SH3RF3: variants seen among roughly 807,000 people sequenced by gnomAD.
SH3RF3 encodes SH3 domain containing ring finger 3, also known as E3 ubiquitin-protein ligase SH3RF3.
A neutral mutation model predicts 66.3 loss-of-function variants in SH3RF3; 29 were observed. The ratio of observed to expected loss-of-function variants is 0.44; its 90% CI spans 0.33 to 0.60. SH3RF3 has a LOEUF of 0.60. Among genes scored for constraint, SH3RF3 ranks in the 20% least tolerant of loss-of-function variants. The pLI is 0.04. For missense variants in SH3RF3, 1,194 were observed against 1,190.9 expected, an observed-to-expected ratio of 1.00 and a Z score of -0.04; for synonymous variants, 583 against 532.0, an observed-to-expected ratio of 1.10 and a Z score of -1.32.
chr2:109,263,812 C>CA (rs1375299980), intron 1 of SH3RF3, among the ~76,000 whole-genome samples: 1 of 152,098 alleles, frequency 6.6e-6, no homozygotes, highest in Admixed American at 6.5e-5. Context: ...TAAAAAAATA[C>CA]AAAAAATTAG....
chr2:109,260,051 T>G (rs921574634), intron 1 of SH3RF3, among the ~76,000 whole-genome samples: 2 of 152,212 alleles, frequency 1.3e-5, no homozygotes, highest in Non-Finnish European at 2.9e-5. Flanking sequence ...TGGAGGGTTA[T>G]TTGTGATGTT....
chr2:109,331,319 A>G (rs1682279885), intron 1 of SH3RF3, among the ~76,000 whole-genome samples: 1 of 152,186 alleles, frequency 6.6e-6, no homozygotes, highest in South Asian at 2.1e-4. Flanking sequence ...CCTCATTTGC[A>G]ATCAATTAAC....
At chr2:109,291,286 T>A (rs2105367394) in intron 1 of SH3RF3, among the ~76,000 whole-genome samples, 1 of 152,094 alleles carries the variant, frequency 6.6e-6, no homozygotes, top group Non-Finnish European at 1.5e-5. Context: ...ATCTCTTTTT[T>A]TTTTTTTTTT....
At chr2:109,282,487 C>T (rs909896587) in intron 1 of SH3RF3, among the ~76,000 whole-genome samples, 1 of 152,178 alleles carries the variant, frequency 6.6e-6, no homozygotes, top group Admixed American at 6.5e-5. Context: ...GCCCGAGGGT[C>T]ACCAAGACGC....
intron 9 of SH3RF3, among the ~76,000 whole-genome samples, chr2:109,494,593 T>C (rs886427300): frequency 1.8e-4 from 28 of 152,304 alleles, no homozygotes; most frequent in African/African-American, 6.5e-4. Context: ...GGCTGCGCCC[T>C]GTGCAGAGGT....
At chr2:109,206,998 G>A (rs908283346) in intron 1 of SH3RF3, among the ~76,000 whole-genome samples, 2 of 152,284 alleles carry the variant, frequency 1.3e-5, no homozygotes, top group East Asian at 1.9e-4. Flanking sequence ...TTGGCTGAGC[G>A]CTGCATTTGC....
chr2:109,435,315 C>T (rs1677368786), intron 6 of SH3RF3, among the ~76,000 whole-genome samples: 1 of 152,188 alleles, frequency 6.6e-6, no homozygotes, highest in Non-Finnish European at 1.5e-5. Flanking sequence ...CAAAGCTGTG[C>T]CCCCAGGACT....
chr2:109,385,596 G>A (rs7605559), intron 3 of SH3RF3, among the ~76,000 whole-genome samples: 72,354 of 152,120 alleles, frequency 0.48, 17,342 homozygotes, highest in Middle Eastern at 0.55. Flanking sequence ...AATAATCAGC[G>A]CTTTTGGGAA....
At chr2:109,279,267 C>T (rs1035614631) in intron 1 of SH3RF3, among the ~76,000 whole-genome samples, 2 of 152,210 alleles carry the variant, frequency 1.3e-5, no homozygotes, top group South Asian at 4.1e-4. Flanking sequence ...GCTCCTGCCA[C>T]GTCCTTTGTT....
intron 1 of SH3RF3, among the ~76,000 whole-genome samples, chr2:109,200,779 G>A (rs551397736): frequency 1.3e-5 from 2 of 152,302 alleles, no homozygotes; most frequent in Admixed American, 1.3e-4. Flanking sequence ...GTCCTTTAGG[G>A]CCGGCTGAGC....
intron 8 of SH3RF3, 53 bp downstream of exon 8, chr2:109,449,542 A>T: frequency 1.9e-6 from 3 of 1,577,538 alleles, no homozygotes; most frequent in Non-Finnish European, 2.6e-6. Context: ...TGCTTACTGT[A>T]ACTTTTTGGC....
rs137897039 is a variant in SH3RF3 at position 109,337,117 on chromosome 2, T to C, written c.574-10557T>C. On this transcript the variant is annotated intron_variant, in intron 1 of 9. Coordinates refer to ENST00000309415, the MANE Select transcript of SH3RF3 (RefSeq NM_001099289.3). ...TCAGGACTTGTAGTTTTCACATTTT[T>C]GTGTTATGTATCTTAAATGCCTTTC... 1.4e-4 allele frequency among the ~76,000 whole-genome samples: 22 copies of C among 152,370 alleles called. No homozygotes were observed. The East Asian group carries it at 3.9e-3, about 27-fold the overall frequency.
chr2:109,160,052 G>A (rs1004824950), intron 1 of SH3RF3, among the ~76,000 whole-genome samples: 5 of 152,220 alleles, frequency 3.3e-5, no homozygotes, highest in Admixed American at 2.6e-4. Flanking sequence ...CATCTTCCAT[G>A]AAACCAGTCC....
chr2:109,339,251 C>A (rs1054806041), intron 1 of SH3RF3, among the ~76,000 whole-genome samples: 4 of 150,928 alleles, frequency 2.7e-5, no homozygotes, highest in East Asian at 2.0e-4. Flanking sequence ...CAGTTTAAAC[C>A]CATGTTGGTT....
chr2:109,487,271 A>G (rs1679007889), intron 8 of SH3RF3, among the ~76,000 whole-genome samples: 1 of 152,166 alleles, frequency 6.6e-6, no homozygotes, highest in Admixed American at 6.5e-5. Context: ...AAATCAGTCT[A>G]TGAGCCTCTC....
chr2:109,162,418 A>AT (rs924677232), intron 1 of SH3RF3, among the ~76,000 whole-genome samples: 22 of 151,860 alleles, frequency 1.4e-4, no homozygotes, highest in Admixed American at 1.3e-4. Flanking sequence ...TTTATTTTTA[A>AT]TTTTTTTTAT....
intron 1 of SH3RF3, among the ~76,000 whole-genome samples, chr2:109,330,951 G>A (rs1353649309): frequency 2.6e-5 from 4 of 152,210 alleles, no homozygotes; most frequent in African/African-American, 9.6e-5. Flanking sequence ...TCCCCAGCAA[G>A]TGTGTGTTGA....
intron 1 of SH3RF3, among the ~76,000 whole-genome samples, chr2:109,205,628 C>T (rs770529675): frequency 2.6e-5 from 4 of 152,088 alleles, no homozygotes; most frequent in African/African-American, 7.2e-5. Flanking sequence ...GGGAGAAGGC[C>T]ACGGTGAGAA....
In SH3RF3 at chr2:109,398,958, G is replaced by C. The variant is rs776308242; in HGVS notation, c.1299+15G>C. ...CTCCCACCCAGGTAACATCCCGCGGGCCAGGGCAGGCATCCCTGGGTTCTC... is the reference window on the plus strand; with the variant it reads ...CTCCCACCCAGGTAACATCCCGCGGCCCAGGGCAGGCATCCCTGGGTTCTC... On this transcript the variant is annotated intron_variant, in intron 4 of 9. Transcript: ENST00000309415. 4 of 1,599,948 alleles carry C rather than the reference G, an allele frequency of 2.5e-6. No homozygotes were observed. Among genetic ancestry groups the C allele is most frequent in the Non-Finnish European group, 3.4e-6 (4 of 1,174,734 alleles).
Sources: allele counts gnomAD v4.1 joint callset (sites outside exome capture counted in the v4.1 genomes callset), GRCh38; gene constraint gnomAD v4.1.1; transcripts MANE v1.5; gene names NCBI Gene and HGNC (gene_info 2026-07-23, HGNC 2026-07-21).